The following VAC14 variants were observed in gnomAD, a reference collection of about 807,000 sequenced individuals.
VAC14 encodes protein VAC14 homolog.
Under a neutral mutation model 85.3 loss-of-function variants are expected in VAC14, and 47 were observed. The ratio of observed to expected loss-of-function variants is 0.55; its 90% CI spans 0.44 to 0.70. VAC14 has a LOEUF of 0.70. Ranked by LOEUF, VAC14 falls within the 30% of genes least tolerant of loss-of-function variation. The pLI, the probability that VAC14 is intolerant of heterozygous loss-of-function variation, is 0.00. For synonymous variants in VAC14, 447 were observed against 430.5 expected, an observed-to-expected ratio of 1.04 and a Z score of -0.47; for missense variants, 861 against 1,004.3, an observed-to-expected ratio of 0.86 and a Z score of 1.93.
rs780472321 is a variant in VAC14 at position 70,780,949 on chromosome 16, C to G, written c.947-10G>C. 3 of 1,614,068 alleles carry G rather than the reference C, an allele frequency of 1.9e-6. No homozygotes were observed. Among genetic ancestry groups the G allele is most frequent in the South Asian group, 2.2e-5 (2 of 91,032 alleles). On this transcript the variant is annotated splice_polypyrimidine_tract_variant and intron_variant, in intron 8 of 18. Transcript: ENST00000261776. ...GCCACTTCTTTGATGCCTGAGTCCA[C>G]TGATGTAAGGAGCGTGATCTGATTT...
chr16:70,781,017 A>G (rs149544846), intron 8 of VAC14, 78 bp from the exon 9 acceptor site: 44 of 1,580,214 alleles, frequency 2.8e-5, no homozygotes, highest in Non-Finnish European at 8.6e-6. Context: ...TGTGATTCCC[A>G]GTGTTGGAGG....
chr16:70,782,900 C>T, intron 7 of VAC14, 133 bp downstream of exon 7: 1 of 842,256 alleles, frequency 1.2e-6, no homozygotes, highest in Non-Finnish European at 1.9e-6. Context: ...CCCACTGTCA[C>T]ACTGGCTAAT....
chr16:70,693,039 C>A, intron 17 of VAC14, 68 bp from the exon 18 acceptor site: 1 of 1,534,428 alleles, frequency 6.5e-7, no homozygotes. Flanking sequence ...CCCACACTGC[C>A]TGCCTCCGAC....
At chr16:70,784,084 T>G in intron 5 of VAC14, 29 bp downstream of exon 5, 1 of 1,596,554 alleles carries the variant, frequency 6.3e-7, no homozygotes, top group Non-Finnish European at 8.6e-7. Context: ...AACTGGAGGC[T>G]GGAGAAACGG....
chr16:70,716,714 G>A (rs1334718835), intron 14 of VAC14: 2 of 152,256 alleles, frequency 1.3e-5, no homozygotes, highest in African/African-American at 2.4e-5. Context: ...TGAGGTGCTG[G>A]GCCTGCGTCC....
intron 14 of VAC14, among the ~76,000 whole-genome samples, chr16:70,713,181 G>A (rs1218435976): frequency 2.0e-5 from 3 of 152,192 alleles, no homozygotes; most frequent in Non-Finnish European, 4.4e-5. Context: ...CTTTGAGGCA[G>A]GAGTGCCTAC....
intron 10 of VAC14, among the ~76,000 whole-genome samples, chr16:70,768,086 T>C (rs1186588832): frequency 1.3e-5 from 2 of 152,160 alleles, no homozygotes; most frequent in African/African-American, 4.8e-5. Flanking sequence ...GTTTTCACCA[T>C]GTTGCCCTGG....
At chr16:70,720,202 C>T (rs771491602) in intron 14 of VAC14, among the ~76,000 whole-genome samples, 15 of 152,126 alleles carry the variant, frequency 9.9e-5, no homozygotes, top group South Asian at 2.1e-4. Context: ...TTGCAGGAGA[C>T]GTGAAAGTGA....
Position 70,748,590 on chromosome 16 carries a change from C to T in VAC14, c.1372-4011G>A, listed in dbSNP as rs537968382. On this transcript the variant is annotated intron_variant, in intron 12 of 18. Transcript: ENST00000261776. ...GCCAGCTCCAGAGTGGGGAATGGGG[C>T]CAGAGGTGAGGGTATGGCCAGAAAT... 2.0e-5 allele frequency among the ~76,000 whole-genome samples: 3 copies of T among 152,282 alleles called. No homozygotes were observed. In the East Asian group the frequency reaches 5.8e-4, roughly 29 times the overall value.
chr16:70,718,356 G>T (rs995961620), intron 14 of VAC14, among the ~76,000 whole-genome samples: 1 of 151,926 alleles, frequency 6.6e-6, no homozygotes, highest in Non-Finnish European at 1.5e-5. Flanking sequence ...GCGGATCACG[G>T]GGTCAGGAGA....
chr16:70,690,901 G>C (rs773163770), intron 18 of VAC14: 2 of 985,494 alleles, frequency 2.0e-6, no homozygotes, highest in Non-Finnish European at 2.4e-6. Flanking sequence ...GCTAGGGGGT[G>C]TCTCACACAC....
Position 70,785,747 on chromosome 16 carries a change from G to A in VAC14, c.378C>T (p.Gly126=), listed in dbSNP as rs574284363. Residue 126 remains glycine, a synonymous_variant, in exon 3 of 19, where the codon GGC becomes GGT. Coordinates refer to ENST00000261776, the MANE Select transcript of VAC14 (RefSeq NM_018052.5). ...ALYNIVKVAR[G]AVLPHFNVLF... The stretch of plus-strand genomic sequence containing the variant: ...GCACGTTGAAGTGGGGCAGCACAGC[G>A]CCCCGGGCCACCTTGACGATGTTGT... 1.9e-5 allele frequency: 30 copies of A among 1,572,332 alleles called. No homozygotes were observed. The highest frequency in any genetic ancestry group is 1.7e-4 in the Middle Eastern group (1 of 5,888).
chr16:70,693,080 G>A, intron 17 of VAC14, 109 bp from the exon 18 acceptor site: 1 of 1,410,770 alleles, frequency 7.1e-7, no homozygotes, highest in African/African-American at 1.4e-5. Flanking sequence ...TTGGTGCCAT[G>A]GCACCCACAG....
chr16:70,760,023 G>C (rs2032195004), intron 12 of VAC14, among the ~76,000 whole-genome samples: 1 of 152,208 alleles, frequency 6.6e-6, no homozygotes, highest in Non-Finnish European at 1.5e-5. Flanking sequence ...ACAGACACAA[G>C]TGAAGGGTCT....
At chr16:70,771,729 G>A (rs1194149486) in intron 10 of VAC14, 4 of 182,328 alleles carry the variant, frequency 2.2e-5, no homozygotes, top group Non-Finnish European at 4.6e-5. Context: ...ACAGGCACAC[G>A]CCACCAGGCC....
intron 16 of VAC14, chr16:70,695,858 C>A: frequency 2.3e-6 from 1 of 444,408 alleles, no homozygotes; most frequent in Non-Finnish European, 4.1e-6. Context: ...CTCCTCTGCA[C>A]CCTCCCGGGC....
At chr16:70,759,590 C>T (rs575037524) in intron 12 of VAC14, among the ~76,000 whole-genome samples, 4 of 152,212 alleles carry the variant, frequency 2.6e-5, no homozygotes, top group African/African-American at 7.2e-5. Context: ...ATCACATCAC[C>T]GCACTCTAGC....
intron 18 of VAC14, chr16:70,691,367 C>T (rs1285154301): frequency 1.0e-6 from 1 of 985,366 alleles, no homozygotes; most frequent in African/African-American, 1.7e-5. Context: ...GCTGCACCTT[C>T]CCCTCCTGGG....
At chr16:70,790,319 G>C (rs961632432) in intron 1 of VAC14, among the ~76,000 whole-genome samples, 3 of 152,156 alleles carry the variant, frequency 2.0e-5, no homozygotes, top group African/African-American at 7.2e-5. Flanking sequence ...CTCAGAGGAA[G>C]GAGGAGCAGG....
Sources: gnomAD v4.1 joint callset for allele counts (sites outside exome capture counted in the v4.1 genomes callset) on GRCh38, gnomAD v4.1.1 for gene constraint, MANE v1.5 for transcripts, NCBI Gene and HGNC (gene_info 2026-07-23, HGNC 2026-07-21) for gene names.